The following EVL variants were observed in gnomAD, a reference collection of about 807,000 sequenced individuals.
The protein encoded by EVL is Enah/Vasp-like, also known as ena/VASP-like protein.
EVL carries 21 observed loss-of-function variants against 59.6 expected under a neutral mutation model. The observed-to-expected ratio is 0.35, with a 90% CI of 0.25 to 0.51. EVL has a LOEUF of 0.51. Ranked by LOEUF, EVL falls within the 20% of genes least tolerant of loss-of-function variation. The probability of loss-of-function intolerance (pLI) is 0.97; values close to 1 mark genes in which losing one functional copy is unlikely to be tolerated. For synonymous variants in EVL, 198 were observed against 203.5 expected, an observed-to-expected ratio of 0.97 and a Z score of 0.23; for missense variants, 462 against 546.6, an observed-to-expected ratio of 0.85 and a Z score of 1.54.
chr14:99,996,514 T>G (rs962100169), intron 1 of EVL, among the ~76,000 whole-genome samples: 6 of 152,202 alleles, frequency 3.9e-5, no homozygotes, highest in African/African-American at 1.4e-4. Flanking sequence ...ATTTCTCAAT[T>G]AACATAAATA....
At chr14:100,120,488 G>A (rs1037347212) in intron 3 of EVL, among the ~76,000 whole-genome samples, 1 of 152,226 alleles carries the variant, frequency 6.6e-6, no homozygotes, top group Non-Finnish European at 1.5e-5. Flanking sequence ...AGGCGCATGG[G>A]CACCGGTTGG....
Position 100,097,587 on chromosome 14 carries a change from G to C in EVL, c.287G>C (p.Ser96Thr). Reference sequence around the variant, plus strand: ...CAGGTCTACGGCTTAAACTTTGCAAGTAAAGAAGAGGCAACCACGTTCTCC... The same window carrying C: ...CAGGTCTACGGCTTAAACTTTGCAACTAAAGAAGAGGCAACCACGTTCTCC... ...ARQVYGLNFA[S>T]KEEATTFSNA... Residue 96 changes from serine to threonine, a missense_variant, in exon 3 of 14, where the codon AGT (serine) becomes ACT (threonine). Physicochemically the swap from Ser to Thr is moderately conservative, Grantham distance 58 (BLOSUM62 1). Transcript: ENST00000392920. 6.2e-7 allele frequency: 1 copy of C among 1,614,174 alleles called. No homozygotes were observed. The highest frequency in any genetic ancestry group is 8.5e-7 in the Non-Finnish European group (1 of 1,180,028).
At chr14:100,103,612 C>T (rs1886367709) in intron 3 of EVL, among the ~76,000 whole-genome samples, 1 of 152,088 alleles carries the variant, frequency 6.6e-6, no homozygotes, top group Middle Eastern at 3.2e-3. Context: ...CTTCTGTGGC[C>T]CCCCATGCCC....
At chr14:100,064,825 G>A (rs1273801627), upstream of EVL, among the ~76,000 whole-genome samples, 4 of 152,154 alleles carry the variant, frequency 2.6e-5, no homozygotes, top group Admixed American at 6.5e-5. Flanking sequence ...CAGGAGAATC[G>A]CTTGAACCCA....
intron 1 of EVL, among the ~76,000 whole-genome samples, chr14:100,048,220 C>T (rs1299871970): frequency 6.6e-6 from 1 of 152,074 alleles, no homozygotes; most frequent in Non-Finnish European, 1.5e-5. Context: ...AATGAAAAGA[C>T]GAGAGACAGA....
At chr14:100,061,418 A>AAAAC (rs1470655026), upstream of EVL, among the ~76,000 whole-genome samples, 24 of 145,054 alleles carry the variant, frequency 1.7e-4, no homozygotes, top group African/African-American at 6.2e-4. Flanking sequence ...AAAAAAAAAA[A>AAAAC]AAAAAAAAAA....
intron 1 of EVL, among the ~76,000 whole-genome samples, chr14:100,034,234 C>CAAA (rs548491187): frequency 3.1e-4 from 28 of 90,924 alleles, no homozygotes; most frequent in African/African-American, 9.4e-4. Context: ...GAATCTGTCT[C>CAAA]AAAAAAAAAA....
chr14:100,037,718 C>T (rs2061408522), intron 1 of EVL, among the ~76,000 whole-genome samples: 1 of 152,208 alleles, frequency 6.6e-6, no homozygotes, highest in African/African-American at 2.4e-5. Flanking sequence ...TTACCTTTCG[C>T]TTCCCCAGAG....
At chr14:99,992,531 C>T (rs115942660) in intron 1 of EVL, among the ~76,000 whole-genome samples, 3,164 of 152,172 alleles carry the variant, frequency 0.021, 104 homozygotes, top group African/African-American at 0.073. Flanking sequence ...GAAACTTTTC[C>T]GCCACGTTTT....
At chr14:100,128,120 A>C (rs1300402445) in intron 5 of EVL, among the ~76,000 whole-genome samples, 1 of 152,194 alleles carries the variant, frequency 6.6e-6, no homozygotes, top group East Asian at 1.9e-4. Flanking sequence ...TCACAGTTGG[A>C]TCTTGGTGAC....
chr14:100,103,626 C>T (rs1243278706), intron 3 of EVL, among the ~76,000 whole-genome samples: 1 of 152,158 alleles, frequency 6.6e-6, no homozygotes, highest in Non-Finnish European at 1.5e-5. Flanking sequence ...CATGCCCACC[C>T]CAGGTGAGGA....
chr14:100,003,354 G>A (rs1208697057), intron 1 of EVL, among the ~76,000 whole-genome samples: 3 of 152,118 alleles, frequency 2.0e-5, no homozygotes, highest in Non-Finnish European at 4.4e-5. Flanking sequence ...GTGTCACAAG[G>A]ACTTTAAAAG....
intron 8 of EVL, 116 bp from the exon 9 acceptor site, chr14:100,135,788 AG>A: frequency 1.1e-6 from 1 of 888,048 alleles, no homozygotes; most frequent in South Asian, 1.4e-5. Context: ...TAATTATAAA[AG>A]TCATATGTGT....
At chr14:99,976,383 C>T (rs745647488) in intron 1 of EVL, among the ~76,000 whole-genome samples, 2 of 152,064 alleles carry the variant, frequency 1.3e-5, no homozygotes, top group African/African-American at 4.8e-5. Context: ...TACTTCCAAG[C>T]TATCTGCCAA....
In EVL at chr14:100,114,172, G is replaced by GC. The variant is rs1395974531; in HGVS notation, c.359-9367_359-9366insC. ...CAAGGAGCGAAGCGAAGGAGGGCCG[G>GC]GGGGGAATCAAATGAGCCTTACTTC... is the stretch of plus-strand genomic sequence containing the variant. On this transcript the variant is annotated intron_variant, in intron 3 of 13. Coordinates refer to ENST00000392920, the MANE Select transcript of EVL (RefSeq NM_016337.3). The surrounding 1 kb of genome is among the most constrained non-coding windows in gnomAD (Gnocchi z 5.0). Among the ~76,000 whole-genome samples the GC allele has an allele frequency of 5.3e-5, 8 of 151,846 alleles. No individual in the cohort carries two copies. The highest frequency in any genetic ancestry group is 3.9e-4 in the East Asian group (2 of 5,136).
At chr14:100,062,902 C>T (rs61984487), upstream of EVL, among the ~76,000 whole-genome samples, 4,626 of 152,094 alleles carry the variant, frequency 0.03, 113 homozygotes, top group Non-Finnish European at 0.047. Context: ...AGATCAGCCT[C>T]GGAAACATAG....
At chr14:100,115,437 C>A (rs1447159005) in intron 3 of EVL, among the ~76,000 whole-genome samples, 2 of 152,252 alleles carry the variant, frequency 1.3e-5, no homozygotes. Flanking sequence ...AGCGCTTTTC[C>A]TCTCCAGTGT....
intron 8 of EVL, among the ~76,000 whole-genome samples, chr14:100,133,281 G>A (rs1316517841): frequency 6.6e-6 from 1 of 152,240 alleles, no homozygotes; most frequent in Admixed American, 6.5e-5. Flanking sequence ...CCCAGAGCCA[G>A]CCTGGCTGCC....
At position 100,068,839 on chromosome 14, in the gene EVL, G is replaced by C. The variant is rs1418083328; in HGVS notation, c.11+3328G>C. Among the ~76,000 whole-genome samples, 3 of 152,168 alleles carry C rather than the reference G, an allele frequency of 2.0e-5. No homozygotes were observed. In the East Asian group the frequency reaches 5.8e-4, roughly 29 times the overall value. ...CAGGAAATGTGGGTTGAACAAGGCT[G>C]ACCTGAGCAGGAAGTAGCTGAGGTC... On this transcript the variant is annotated intron_variant, in intron 1 of 13. Coordinates refer to ENST00000392920, the MANE Select transcript of EVL (RefSeq NM_016337.3).
Sources: gnomAD v4.1 joint callset for allele counts (sites outside exome capture counted in the v4.1 genomes callset) on GRCh38, gnomAD v4.1.1 for gene constraint, Gnocchi (gnomAD v3.1) non-coding constraint, MANE v1.5 for transcripts, NCBI Gene and HGNC (gene_info 2026-07-23, HGNC 2026-07-21) for gene names.